FAT3: variants seen among roughly 807,000 people sequenced by gnomAD.
The protein encoded by FAT3 is protocadherin Fat 3.
FAT3 carries 95 observed loss-of-function variants against 310.2 expected under a neutral mutation model. That is an observed-to-expected ratio of 0.31 (90% CI 0.26 to 0.36). FAT3 has a LOEUF of 0.36. Among genes scored for constraint, FAT3 ranks in the 10% least tolerant of loss-of-function variants. FAT3 has a pLI of 1.00. For missense variants in FAT3, 5,408 were observed against 5,715.6 expected, an observed-to-expected ratio of 0.95 and a Z score of 1.74; for synonymous variants, 2,314 against 2,192.9, an observed-to-expected ratio of 1.06 and a Z score of -1.54.
At chr11:92,460,437 CT>C (rs1312283095) in intron 2 of FAT3, among the ~76,000 whole-genome samples, 1 of 152,200 alleles carries the variant, frequency 6.6e-6, no homozygotes, top group Non-Finnish European at 1.5e-5. Flanking sequence ...AATTACGCAG[CT>C]GTCAGAATCA....
At chr11:92,345,547 T>C (rs141374497) in intron 1 of FAT3, among the ~76,000 whole-genome samples, 217 of 152,276 alleles carry the variant, frequency 1.4e-3, no homozygotes, top group African/African-American at 4.8e-3. Context: ...CCCCCAAATC[T>C]GAAATTTAAC....
chr11:92,396,987 A>G (rs955832399), intron 2 of FAT3, among the ~76,000 whole-genome samples: 2 of 152,128 alleles, frequency 1.3e-5, no homozygotes, highest in African/African-American at 4.8e-5. Context: ...GACTGCAGGC[A>G]TGAGCCACCA....
At chr11:92,392,278 AAAT>A (rs1304163953) in intron 2 of FAT3, among the ~76,000 whole-genome samples, 24 of 152,296 alleles carry the variant, frequency 1.6e-4, no homozygotes, top group African/African-American at 5.3e-4. Context: ...TAGTATTACA[AAAT>A]AATAATAATG....
At chr11:92,822,414 A>G (rs1396165945) in intron 13 of FAT3, among the ~76,000 whole-genome samples, 1 of 152,080 alleles carries the variant, frequency 6.6e-6, no homozygotes. Context: ...TAATATAGCT[A>G]GGAAAATCTC....
At chr11:92,645,171 AC>A (rs767994783) in intron 3 of FAT3, among the ~76,000 whole-genome samples, 3 of 152,208 alleles carry the variant, frequency 2.0e-5, no homozygotes, top group Non-Finnish European at 4.4e-5. Context: ...TGCAGTTTAG[AC>A]TTCAGATTTA....
Position 92,840,570 on chromosome 11 carries a change from G to A in FAT3, c.10377G>A (p.Lys3459=), listed in dbSNP as rs1276144150. 1.0e-5 allele frequency: 16 copies of A among 1,588,026 alleles called. No individual in the cohort carries two copies. Among genetic ancestry groups the A allele is most frequent in the Non-Finnish European group, 1.4e-5 (16 of 1,159,636 alleles). The change falls in exon 18 of 28, where the codon AAG becomes AAA. Residue 3459 remains lysine (K), a synonymous_variant. Coordinates refer to ENST00000525166, the MANE Select transcript of FAT3 (RefSeq NM_001367949.2). ...TATACTCTTTTATGCAGGAAAATAA[G>A]CCAGTGGGCACCAGCATCTTGCAGC... The part of the protein sequence containing the change: ...ANYTAVIQEN[K]PVGTSILQLV...
In FAT3 at chr11:92,790,183, C is replaced by G. The variant is rs1947002894; in HGVS notation, c.4576C>G (p.His1526Asp). Residue 1526 changes from histidine (H) to aspartate (D), a missense_variant, in exon 8 of 28, where the codon CAT becomes GAT. Physicochemically the swap from His to Asp is moderately conservative, Grantham distance 81. Transcript: ENST00000525166. Reference protein sequence around the residue: ...GVLYTAERLDHEAQDKHILNI... With the variant: ...GVLYTAERLDDEAQDKHILNI... Reference sequence around the variant, plus strand: ...GCTCTATACTGCCGAGAGGCTGGACCATGAGGCCCAGGACAAGCACATTCT... The same window carrying G: ...GCTCTATACTGCCGAGAGGCTGGACGATGAGGCCCAGGACAAGCACATTCT... 3 of 1,613,706 alleles carry G rather than the reference C, an allele frequency of 1.9e-6. No individual in the cohort carries two copies. The highest frequency in any genetic ancestry group is 4.5e-5 in the East Asian group (2 of 44,880).
At chr11:92,481,605 G>T (rs1952229289) in intron 2 of FAT3, among the ~76,000 whole-genome samples, 2 of 152,228 alleles carry the variant, frequency 1.3e-5, no homozygotes, top group South Asian at 4.2e-4. Flanking sequence ...ATATTAAAAA[G>T]GAAACTAATG....
At chr11:92,451,836 T>G (rs1049190162) in intron 2 of FAT3, among the ~76,000 whole-genome samples, 1 of 152,208 alleles carries the variant, frequency 6.6e-6, no homozygotes, top group Admixed American at 6.5e-5. Context: ...TAGATCATAA[T>G]AATTGTGTTT....
chr11:92,772,868 A>G (rs1313694422), intron 6 of FAT3, among the ~76,000 whole-genome samples: 4 of 152,100 alleles, frequency 2.6e-5, no homozygotes, highest in Non-Finnish European at 5.9e-5. Context: ...TCCTTCCCTT[A>G]ACTGACTATT....
chr11:92,692,759 GAATT>G (rs1943831800), intron 3 of FAT3, among the ~76,000 whole-genome samples: 1 of 152,206 alleles, frequency 6.6e-6, no homozygotes, highest in South Asian at 2.1e-4. Flanking sequence ...ACAGAGGAAA[GAATT>G]AATTGTCGCT....
intron 4 of FAT3, among the ~76,000 whole-genome samples, chr11:92,737,876 C>T (rs1201976188): frequency 6.6e-6 from 1 of 152,040 alleles, no homozygotes; most frequent in Admixed American, 6.6e-5. Flanking sequence ...CTCCTCCCTG[C>T]CATCCTTGGA....
At chr11:92,603,128 A>G (rs1447909625) in intron 3 of FAT3, among the ~76,000 whole-genome samples, 1 of 152,252 alleles carries the variant, frequency 6.6e-6, no homozygotes, top group African/African-American at 2.4e-5. Context: ...ATGTTTTCTC[A>G]GTAATTCCTG....
At chr11:92,543,177 A>G (rs564848437) in intron 3 of FAT3, among the ~76,000 whole-genome samples, 10 of 152,216 alleles carry the variant, frequency 6.6e-5, no homozygotes, top group Middle Eastern at 3.4e-3. Context: ...GCTTAGGATA[A>G]TAGAGGAAAG....
chr11:92,827,164 G>A (rs1776235496), intron 13 of FAT3, among the ~76,000 whole-genome samples: 1 of 152,178 alleles, frequency 6.6e-6, no homozygotes, highest in Non-Finnish European at 1.5e-5. Context: ...CTGTATAACT[G>A]TAAGCTGTAT....
Position 92,662,090 on chromosome 11 carries a change from G to C in FAT3, c.3608-35294G>C, listed in dbSNP as rs576583159. Among the ~76,000 whole-genome samples, 38 of 152,266 alleles carry C rather than the reference G, an allele frequency of 2.5e-4. 1 individual carries two copies. In the South Asian group the frequency reaches 7.9e-3, roughly 32 times the overall value. ...GAGATTAACATACCAGACCAGACCA[G>C]TATAGATACAGAAGGAGTTGTGTTT... On this transcript the variant is annotated intron_variant, in intron 3 of 27. Coordinates refer to ENST00000525166, the MANE Select transcript of FAT3 (RefSeq NM_001367949.2).
At chr11:92,776,930 C>G (rs1215111079) in intron 7 of FAT3, among the ~76,000 whole-genome samples, 1 of 152,164 alleles carries the variant, frequency 6.6e-6, no homozygotes, top group Non-Finnish European at 1.5e-5. Context: ...CCAGGCCTCT[C>G]TCACACTTAC....
chr11:92,413,948 T>C (rs776628246), intron 2 of FAT3, among the ~76,000 whole-genome samples: 2 of 152,166 alleles, frequency 1.3e-5, no homozygotes, highest in Non-Finnish European at 2.9e-5. Flanking sequence ...TTGGTGATGC[T>C]GGCACAGGTT....
intron 2 of FAT3, among the ~76,000 whole-genome samples, chr11:92,482,630 T>G (rs1208289593): frequency 6.6e-6 from 1 of 152,166 alleles, no homozygotes; most frequent in Non-Finnish European, 1.5e-5. Context: ...GCTTTCTCTT[T>G]TCTCAGCTCC....
Sources: allele counts gnomAD v4.1 joint callset (sites outside exome capture counted in the v4.1 genomes callset), GRCh38; gene constraint gnomAD v4.1.1; transcripts MANE v1.5; gene names NCBI Gene and HGNC (gene_info 2026-07-23, HGNC 2026-07-21).